The following LUZP1 variants were observed in gnomAD, a reference collection of about 807,000 sequenced individuals.
LUZP1 encodes the protein filamin mechanobinding actin cross-linking protein.
Under a neutral mutation model 71.3 loss-of-function variants are expected in LUZP1, and 25 were observed. The observed-to-expected ratio is 0.35, with a 90% CI of 0.26 to 0.49. The LOEUF is 0.49. LUZP1 is among the 20% of genes least tolerant of loss of function. LUZP1 has a pLI of 0.99. For synonymous variants in LUZP1, 481 were observed against 506.4 expected, an observed-to-expected ratio of 0.95 and a Z score of 0.67; for missense variants, 1,142 against 1,300.8, an observed-to-expected ratio of 0.88 and a Z score of 1.88.
At chr1:23,115,225 G>A (rs929052593) in intron 2 of LUZP1, among the ~76,000 whole-genome samples, 5 of 152,100 alleles carry the variant, frequency 3.3e-5, no homozygotes, top group South Asian at 4.2e-4. Context: ...TTAAATCTAC[G>A]TAACCTTTAG....
rs529579967 is a variant in LUZP1 at position 23,093,722 on chromosome 1, C to T, written c.540G>A (p.Ala180=). Reference sequence around the variant, plus strand: ...ATGATTTCAGCTTTTCTAACTCTGACGCTAAACTCTGCTCAGTTTTATCCA... The same window carrying T: ...ATGATTTCAGCTTTTCTAACTCTGATGCTAAACTCTGCTCAGTTTTATCCA... The change falls in exon 4 of 5, where the codon GCG becomes GCA. Residue 180 remains alanine (A), a synonymous_variant. Coordinates refer to ENST00000302291, the Ensembl canonical transcript of LUZP1. The surrounding 1 kb of genome is among the most constrained non-coding windows in gnomAD (Gnocchi z 4.2). 13 of 1,613,682 alleles carry T rather than the reference C, an allele frequency of 8.1e-6. No homozygotes were observed. The highest frequency in any genetic ancestry group is 6.7e-5 in the Admixed American group (4 of 60,022).
intron 1 of LUZP1, among the ~76,000 whole-genome samples, chr1:23,175,448 T>C (rs1644576841): frequency 6.6e-6 from 1 of 152,216 alleles, no homozygotes; most frequent in African/African-American, 2.4e-5. Flanking sequence ...TTTGGACCTT[T>C]TGGTGCTTTC....
intron 2 of LUZP1, among the ~76,000 whole-genome samples, chr1:23,138,224 T>C (rs1238045955): frequency 6.6e-6 from 1 of 152,136 alleles, no homozygotes; most frequent in Non-Finnish European, 1.5e-5. Flanking sequence ...TCCACCCGCC[T>C]CAGCTTCCCA....
intron 2 of LUZP1, among the ~76,000 whole-genome samples, chr1:23,139,431 T>C (rs1324834559): frequency 6.6e-6 from 1 of 151,986 alleles, no homozygotes; most frequent in Non-Finnish European, 1.5e-5. Context: ...CACAGGTCCA[T>C]TTACAGATGG....
chr1:23,133,432 T>G (rs1274420683), intron 2 of LUZP1: 1 of 152,126 alleles, frequency 6.6e-6, no homozygotes, highest in Non-Finnish European at 1.5e-5. Flanking sequence ...CAAAGGGAAG[T>G]AGGGATCCCT....
chr1:23,177,336 G>A (rs553266192), intron 1 of LUZP1, among the ~76,000 whole-genome samples: 2 of 152,254 alleles, frequency 1.3e-5, no homozygotes, highest in South Asian at 2.1e-4. Flanking sequence ...CAGAACTCTG[G>A]TTCTTGAGGT....
exon 5 of LUZP1, chr1:23,087,084 C>A: frequency 6.6e-6 from 1 of 152,260 alleles, no homozygotes; most frequent in East Asian, 1.9e-4. Context: ...ACAGGAGATA[C>A]ACAGACTTGG....
chr1:23,086,980 GT>G (rs1643775602), exon 5 of LUZP1: 1 of 152,324 alleles, frequency 6.6e-6, no homozygotes, highest in South Asian at 2.1e-4. Context: ...ATGAACACTG[GT>G]TCCCATGCTG....
intron 2 of LUZP1, among the ~76,000 whole-genome samples, chr1:23,137,813 A>G (rs1054659380): frequency 6.6e-6 from 1 of 152,216 alleles, no homozygotes; most frequent in Admixed American, 6.5e-5. Flanking sequence ...AAAAAGTTAA[A>G]CATACAGGTA....
chr1:23,148,971 C>T (rs1426522307), intron 2 of LUZP1, among the ~76,000 whole-genome samples: 2 of 147,812 alleles, frequency 1.4e-5, no homozygotes, highest in African/African-American at 2.5e-5. Flanking sequence ...GTCCTAGCTA[C>T]TCAAGAGGCA....
In LUZP1 at chr1:23,093,420, C is replaced by A; in HGVS notation, c.842G>T (p.Arg281Leu). Reference sequence around the variant, plus strand: ...TTTGACTTTGTTGTCTTCCTGATTGCGGTTCTTTTCATTTTCTGATTTGTT... The same window carrying A: ...TTTGACTTTGTTGTCTTCCTGATTGAGGTTCTTTTCATTTTCTGATTTGTT... The change falls in exon 4 of 5, where the codon CGC (arginine) becomes CTC (leucine). Residue 281 changes from arginine (R) to leucine (L), a missense_variant. Physicochemically the swap from Arg to Leu is moderately radical, Grantham distance 102. Transcript: ENST00000302291. This position sits in a 1 kb window ranked among gnomAD's most constrained non-coding sequence, Gnocchi z 4.2. 6.2e-7 allele frequency: 1 copy of A among 1,613,570 alleles called. No individual in the cohort carries two copies. The highest frequency in any genetic ancestry group is 2.2e-5 in the East Asian group (1 of 44,874).
intron 2 of LUZP1, among the ~76,000 whole-genome samples, chr1:23,149,839 G>A (rs1174388179): frequency 1.3e-5 from 2 of 151,540 alleles, no homozygotes. Context: ...GCACGCGCCT[G>A]TAATCCCAGC....
chr1:23,092,533 CT>C lies in LUZP1; in HGVS notation c.1728del (p.Leu578SerfsTer57). 6.2e-7 allele frequency: 1 copy of C among 1,614,196 alleles called. No homozygotes were observed. Among genetic ancestry groups the C allele is most frequent in the Non-Finnish European group, 8.5e-7 (1 of 1,180,046 alleles). On this transcript the variant is annotated frameshift_variant, in exon 4 of 5. Coordinates refer to ENST00000302291, the Ensembl canonical transcript of LUZP1. LOFTEE classifies it high-confidence loss of function. ...GCAGCCTTTTTGCCTTTAGAGAGCC[CT>C]TCTGAGGAGGATCTTCGAGATGAGG...
intron 2 of LUZP1, among the ~76,000 whole-genome samples, chr1:23,128,127 C>A (rs1346954126): frequency 6.6e-6 from 1 of 151,446 alleles, no homozygotes; most frequent in Non-Finnish European, 1.5e-5. Context: ...GAGACTCTGT[C>A]CCAAAAAGAA....
chr1:23,099,033 G>A (rs975958652), intron 3 of LUZP1, among the ~76,000 whole-genome samples: 2 of 152,118 alleles, frequency 1.3e-5, no homozygotes, highest in Admixed American at 1.3e-4. Context: ...CTGCTTCTCT[G>A]GGTACATCTT....
At chr1:23,087,564 T>C (rs930131485) in exon 5 of LUZP1, 2 of 152,624 alleles carry the variant, frequency 1.3e-5, no homozygotes, top group Non-Finnish European at 2.9e-5. Flanking sequence ...TAATGTTCTC[T>C]CATTCTGAGG....
At chr1:23,124,152 G>C (rs1267859477) in intron 2 of LUZP1, among the ~76,000 whole-genome samples, 1 of 152,186 alleles carries the variant, frequency 6.6e-6, no homozygotes, top group East Asian at 1.9e-4. Context: ...AGAGCAAATG[G>C]AAAGCTGCAG....
intron 2 of LUZP1, among the ~76,000 whole-genome samples, chr1:23,161,489 G>A (rs1160807818): frequency 6.6e-6 from 1 of 152,184 alleles, no homozygotes; most frequent in African/African-American, 2.4e-5. Flanking sequence ...AATAAGGCCA[G>A]TGGCTCATGC....
At chr1:23,120,930 G>A (rs1474494326) in intron 2 of LUZP1, among the ~76,000 whole-genome samples, 2 of 152,110 alleles carry the variant, frequency 1.3e-5, no homozygotes, top group Non-Finnish European at 2.9e-5. Flanking sequence ...CAAACGAGGT[G>A]GATCAGACCA....
Sources: allele counts gnomAD v4.1 joint callset (sites outside exome capture counted in the v4.1 genomes callset), GRCh38; gene constraint gnomAD v4.1.1; non-coding constraint Gnocchi (gnomAD v3.1); transcripts MANE v1.5; gene names NCBI Gene and HGNC (gene_info 2026-07-23, HGNC 2026-07-21).